MARK2: variants seen among roughly 807,000 people sequenced by gnomAD.
MARK2 encodes serine/threonine-protein kinase MARK2.
MARK2 carries 16 observed loss-of-function variants against 89.8 expected under a neutral mutation model. The observed-to-expected ratio is 0.18, with a 90% confidence interval of 0.12 to 0.27. MARK2 has a LOEUF of 0.27. Among genes scored for constraint, MARK2 ranks in the 10% least tolerant of loss-of-function variants. The pLI, the probability that MARK2 is intolerant of heterozygous loss-of-function variation, is 1.00. For missense variants in MARK2, 621 were observed against 1,049.9 expected, an observed-to-expected ratio of 0.59 and a Z score of 5.65; for synonymous variants, 382 against 399.5, an observed-to-expected ratio of 0.96 and a Z score of 0.52.
At chr11:63,893,824 T>C in intron 1 of MARK2, among the ~76,000 whole-genome samples, 1 of 152,210 alleles carries the variant, frequency 6.6e-6, no homozygotes, top group East Asian at 1.9e-4. Context: ...CAAAATTATT[T>C]TAAAATGTCA....
chr11:63,905,391 G>A (rs976394973), intron 16 of MARK2, among the ~76,000 whole-genome samples: 1 of 152,178 alleles, frequency 6.6e-6, no homozygotes, highest in Non-Finnish European at 1.5e-5. Context: ...ATTTGGTGAC[G>A]CAGCTGCAAA....
intron 1 of MARK2, among the ~76,000 whole-genome samples, chr11:63,889,963 T>C (rs1205498033): frequency 1.3e-5 from 2 of 152,306 alleles, no homozygotes; most frequent in African/African-American, 4.8e-5. Context: ...CCAGGTCCTA[T>C]TGAGTTGGCC....
intron 1 of MARK2, among the ~76,000 whole-genome samples, chr11:63,889,549 C>T (rs1205467581): frequency 1.3e-5 from 2 of 152,224 alleles, no homozygotes; most frequent in Admixed American, 1.3e-4. Context: ...GGCTGTCTTC[C>T]GGGCAAGCCT....
At chr11:63,905,316 G>C (rs1028023977) in intron 16 of MARK2, among the ~76,000 whole-genome samples, 1 of 152,206 alleles carries the variant, frequency 6.6e-6, no homozygotes, top group African/African-American at 2.4e-5. Flanking sequence ...CTCTCTAGGA[G>C]AGTGTGAACT....
intron 3 of MARK2, among the ~76,000 whole-genome samples, chr11:63,896,337 T>C (rs1940400511): frequency 6.6e-6 from 1 of 152,242 alleles, no homozygotes; most frequent in South Asian, 2.1e-4. Context: ...TCTGGAATGA[T>C]ACAGGGGAGT....
chr11:63,849,815 C>G (rs2016475254), intron 1 of MARK2: 1 of 152,228 alleles, frequency 6.6e-6, no homozygotes, highest in Admixed American at 6.5e-5. Context: ...GGATCATCCT[C>G]TCCTGTGATC....
chr11:63,841,039 A>G (rs376302904), intron 1 of MARK2, among the ~76,000 whole-genome samples: 1 of 151,964 alleles, frequency 6.6e-6, no homozygotes, highest in African/African-American at 2.4e-5. Context: ...GAACTTTACT[A>G]GGCCAAAAAA....
chr11:63,903,197 G>C lies in MARK2; in HGVS notation c.1514+39G>C, dbSNP rs745634320. The C allele has an allele frequency of 6.8e-7, 1 of 1,478,502 alleles. No individual in the cohort carries two copies. The highest frequency in any genetic ancestry group is 1.7e-5 in the Admixed American group (1 of 59,838). 91.6% of individuals were successfully genotyped at this position (1,478,502 alleles called of 1,614,324 possible). A position where few individuals can be genotyped will look rare whatever the true frequency, so the allele number is the denominator to read the frequency against. Reference sequence around the variant, plus strand: ...GCCCTGCCTGCCTCACTCCCTAGGAGCCATGTCTCACAGGGTGATGTCTGT... The same window carrying C: ...GCCCTGCCTGCCTCACTCCCTAGGACCCATGTCTCACAGGGTGATGTCTGT... On this transcript the variant is annotated intron_variant, in intron 14 of 18. Coordinates refer to ENST00000402010, the MANE Select transcript of MARK2 (RefSeq NM_001039469.3). The surrounding 1 kb of genome is among the most constrained non-coding windows in gnomAD (Gnocchi z 5.1).
rs533822943 is a variant in MARK2, at chr11:63,908,713, T to C, written c.2007-164T>C. On this transcript the variant is annotated intron_variant, in intron 18 of 18. Coordinates refer to ENST00000402010, the MANE Select transcript of MARK2 (RefSeq NM_001039469.3). ...CCTTCGCTGTCCTGAGAGATGGGGG[T>C]TGGAGGACTGCCACCCTCCGCCCCC... 1.2e-3 allele frequency among the ~76,000 whole-genome samples: 185 copies of C among 152,026 alleles called. 1 individual carries two copies. Among genetic ancestry groups the C allele is most frequent in the African/African-American group, 4.2e-3 (175 of 41,472 alleles).
At chr11:63,868,817 T>C in intron 1 of MARK2, 1 of 456,100 alleles carries the variant, frequency 2.2e-6, no homozygotes, top group Non-Finnish European at 4.4e-6. Flanking sequence ...TCATGTGGTC[T>C]GTCAGAAGGC....
In MARK2 at chr11:63,903,167, C is replaced by T. The variant is rs1227249033; in HGVS notation, c.1514+9C>T. 1.2e-6 allele frequency: 2 copies of T among 1,606,366 alleles called. No homozygotes were observed. Among genetic ancestry groups the T allele is most frequent in the Non-Finnish European group, 8.5e-7 (1 of 1,174,630 alleles). ...CAGAATGGCAAAGACAGGTGAGAGA[C>T]CCGGGCCCTGCCTGCCTCACTCCCT... is the stretch of plus-strand genomic sequence containing the variant. On this transcript the variant is annotated intron_variant, in intron 14 of 18. Transcript: ENST00000402010. This position sits in a 1 kb window ranked among gnomAD's most constrained non-coding sequence, Gnocchi z 5.1.
intron 17 of MARK2, among the ~76,000 whole-genome samples, chr11:63,907,861 C>T (rs921497529): frequency 5.9e-5 from 9 of 152,260 alleles, no homozygotes; most frequent in African/African-American, 1.9e-4. Context: ...GCTCCAAAAA[C>T]GCACTCACAC....
In MARK2 at chr11:63,892,753, G is replaced by T. The variant is rs112944431; in HGVS notation, c.55-2406G>T. On this transcript the variant is annotated intron_variant, in intron 1 of 18. Coordinates refer to ENST00000402010, the MANE Select transcript of MARK2 (RefSeq NM_001039469.3). ...TTTTTTTTTTTTTTTTTGAGACAGG[G>T]TCTCGCTCTATCACCCAGGCTGGAG... Among the ~76,000 whole-genome samples, 401 of 147,268 alleles carry T rather than the reference G, an allele frequency of 2.7e-3. 3 individuals are homozygous for T. The highest frequency in any genetic ancestry group is 9.8e-3 in the African/African-American group (393 of 39,900).
intron 1 of MARK2, among the ~76,000 whole-genome samples, chr11:63,893,173 CAA>C (rs992265292): frequency 4.0e-5 from 6 of 150,844 alleles, no homozygotes; most frequent in African/African-American, 1.2e-4. Context: ...CTCAACCTCC[CAA>C]GATTTCTTAA....
Position 63,854,854 on chromosome 11 carries a change from C to T in MARK2, c.54+15294C>T, listed in dbSNP as rs541014780. ...AAAGGGTATTCCAAGTGAGGAAATA[C>T]AAAGTATTCATGAGGCATTGCTGCT... is the stretch of plus-strand genomic sequence containing the variant. On this transcript the variant is annotated intron_variant, in intron 1 of 18. Transcript: ENST00000402010. 3.3e-4 allele frequency among the ~76,000 whole-genome samples: 49 copies of T among 147,138 alleles called. 1 individual carries two copies. The highest frequency in any genetic ancestry group is 1.2e-3 in the African/African-American group (47 of 39,558).
At chr11:63,881,042 G>T (rs569458160) in intron 1 of MARK2, among the ~76,000 whole-genome samples, 33 of 152,124 alleles carry the variant, frequency 2.2e-4, no homozygotes, top group Non-Finnish European at 4.4e-4. Context: ...AGTGGCTCAC[G>T]CCTGTAATCC....
chr11:63,906,149 G>C, intron 17 of MARK2, 35 bp downstream of exon 17: 2 of 1,293,640 alleles, frequency 1.5e-6, no homozygotes, highest in Non-Finnish European at 2.0e-6. Context: ...GTGTGTGTGT[G>C]TGTGTGTCTG....
Position 63,908,926 on chromosome 11 carries a change from C to A in MARK2, c.2056C>A (p.Arg686=). Residue 686 remains arginine, a synonymous_variant, in exon 19 of 19, where the codon CGG becomes AGG. Coordinates refer to ENST00000402010, the MANE Select transcript of MARK2 (RefSeq NM_001039469.3). ...GGNDKEKEEF[R]EAKPRSLRFT... is the part of the protein sequence containing the mutation. ...CAACGACAAAGAAAAGGAAGAATTT[C>A]GGGAGGCCAAGCCCCGCTCCCTCCG... 1 of 1,506,830 alleles carries A rather than the reference C, an allele frequency of 6.6e-7. No individual in the cohort carries two copies. Among genetic ancestry groups the A allele is most frequent in the Non-Finnish European group, 8.9e-7 (1 of 1,120,820 alleles). The allele number at this position is 1,506,830 out of a possible 1,614,324, so 93.3% of individuals were successfully genotyped here.
rs988611317 is a variant in MARK2, at chr11:63,904,579, C to T, written c.1677-207C>T. ...GGGGTCCTTCCTTGCCTCCCTCCCT[C>T]CCTTCCCAAACCATCTCCTTCCACT... On this transcript the variant is annotated intron_variant, in intron 15 of 18. Coordinates refer to ENST00000402010, the MANE Select transcript of MARK2 (RefSeq NM_001039469.3). The surrounding 1 kb of genome is among the most constrained non-coding windows in gnomAD (Gnocchi z 6.3). Among the ~76,000 whole-genome samples the T allele has an allele frequency of 1.3e-5, 2 of 152,070 alleles. No individual in the cohort carries two copies. The highest frequency in any genetic ancestry group is 2.9e-5 in the Non-Finnish European group (2 of 67,986).
Sources: allele counts gnomAD v4.1 joint callset (sites outside exome capture counted in the v4.1 genomes callset), GRCh38; gene constraint gnomAD v4.1.1; non-coding constraint Gnocchi (gnomAD v3.1); transcripts MANE v1.5; gene names NCBI Gene and HGNC (gene_info 2026-07-23, HGNC 2026-07-21).